Variants in MIA3 observed in about 807,000 individuals in gnomAD.
MIA3 encodes the protein MIA SH3 domain ER export factor 3, also known as transport and Golgi organization protein 1 homolog.
MIA3 carries 90 observed loss-of-function variants against 192.4 expected under a neutral mutation model. That is an observed-to-expected ratio of 0.47 (90% confidence interval 0.39 to 0.56). The LOEUF (loss-of-function observed/expected upper bound fraction) is 0.56. MIA3 is among the 20% of genes least tolerant of loss of function. The pLI is 0.00. For missense variants in MIA3, 2,123 were observed against 2,269.4 expected, an observed-to-expected ratio of 0.94 and a Z score of 1.31; for synonymous variants, 740 against 792.8, an observed-to-expected ratio of 0.93 and a Z score of 1.12.
At chr1:222,661,637 T>G (rs1664017997) in intron 24 of MIA3, 1 of 161,208 alleles carries the variant, frequency 6.2e-6, no homozygotes, top group Non-Finnish European at 1.4e-5. Context: ...AAAGTAGCCT[T>G]AATAACTTTA....
intron 12 of MIA3, 23 bp downstream of exon 12, chr1:222,652,071 C>A: frequency 2.1e-6 from 3 of 1,404,646 alleles, no homozygotes; most frequent in Non-Finnish European, 3.0e-6. Context: ...GTAATTCCTG[C>A]AGGATATTAA....
At chr1:222,655,217 A>G (rs1352196231) in intron 18 of MIA3, among the ~76,000 whole-genome samples, 1 of 152,266 alleles carries the variant, frequency 6.6e-6, no homozygotes, top group Non-Finnish European at 1.5e-5. Context: ...TACTTATTGA[A>G]GGTACATTTA....
intron 26 of MIA3, among the ~76,000 whole-genome samples, 196 bp from the exon 27 acceptor site, chr1:222,663,802 C>T (rs995538376): frequency 6.6e-5 from 10 of 152,152 alleles, no homozygotes; most frequent in African/African-American, 2.2e-4. Flanking sequence ...AGCAAGTGTT[C>T]ACTCCTGTGG....
chr1:222,638,203 A>G (rs1662714298), intron 6 of MIA3, among the ~76,000 whole-genome samples: 3 of 152,184 alleles, frequency 2.0e-5, no homozygotes, highest in Non-Finnish European at 4.4e-5. Flanking sequence ...AATAAACTAT[A>G]TTATCAGCCA....
At chr1:222,657,440 G>C (rs1001146331) in intron 18 of MIA3, among the ~76,000 whole-genome samples, 1 of 152,162 alleles carries the variant, frequency 6.6e-6, no homozygotes, top group Non-Finnish European at 1.5e-5. Context: ...GAACCTGGGG[G>C]GAAATGGCTT....
chr1:222,630,401 A>C lies in MIA3; in HGVS notation c.3169+12A>C. 6.3e-7 allele frequency: 1 copy of C among 1,582,750 alleles called. No individual in the cohort carries two copies. Among genetic ancestry groups the C allele is most frequent in the Non-Finnish European group, 8.6e-7 (1 of 1,165,820 alleles). ...TGGAGCAATGGAAGGTGAGATGCCT[A>C]TGGCCTTGTAGAACAGGGCTGGAGA... On this transcript the variant is annotated intron_variant, in intron 4 of 27. Coordinates refer to ENST00000344922, the MANE Select transcript of MIA3 (RefSeq NM_198551.4).
At chr1:222,644,252 C>T in intron 6 of MIA3, 1 of 1,355,778 alleles carries the variant, frequency 7.4e-7, no homozygotes, top group Non-Finnish European at 9.5e-7. Context: ...GCCCCGCCCT[C>T]GCCGGCCGGC....
chr1:222,619,417 A>T (rs371366090), intron 1 of MIA3, among the ~76,000 whole-genome samples: 2 of 152,242 alleles, frequency 1.3e-5, no homozygotes, highest in Non-Finnish European at 2.9e-5. Context: ...AATTGATGTT[A>T]TCAAAACCGA....
chr1:222,629,567 A>G lies in MIA3; in HGVS notation c.2347A>G (p.Ser783Gly), dbSNP rs763423572. The G allele has an allele frequency of 1.2e-6, 2 of 1,614,028 alleles. No homozygotes were observed. Among genetic ancestry groups the G allele is most frequent in the Non-Finnish European group, 1.7e-6 (2 of 1,179,962 alleles). ...PEIEESKQET[S>G]MILDSEKTSE... ...AATTGAAGAAAGCAAGCAAGAAACT[A>G]GTATGATTTTGGATAGCGAAAAAAC... Residue 783 changes from serine to glycine, a missense_variant, in exon 4 of 28, where the codon AGT becomes GGT. Ser to Gly is a moderately conservative substitution (Grantham distance 56). This residue lies in a region of MIA3 where 1,357 missense variants were observed against 1,396.1 expected (regional missense o/e 0.97). Transcript: ENST00000344922.
intron 1 of MIA3, among the ~76,000 whole-genome samples, chr1:222,620,773 T>C (rs1661818582): frequency 6.6e-6 from 1 of 152,238 alleles, no homozygotes; most frequent in South Asian, 2.1e-4. Flanking sequence ...GGCTTGAATT[T>C]ACCCATTTGC....
Position 222,662,388 on chromosome 1 carries a change from C to T in MIA3, c.5262+56C>T, listed in dbSNP as rs1664062499. ...TTTCAGGAACATTTAGCTCTTCCTA[C>T]AACTCTCTCTTTGCCTCATCTCCTA... On this transcript the variant is annotated intron_variant, in intron 26 of 27. Coordinates refer to ENST00000344922, the MANE Select transcript of MIA3 (RefSeq NM_198551.4). 3 of 1,586,388 alleles carry T rather than the reference C, an allele frequency of 1.9e-6. No individual in the cohort carries two copies. The South Asian group carries it at 3.3e-5, about 18-fold the overall frequency.
At position 222,660,381 on chromosome 1, in the gene MIA3, T is replaced by C. The variant is rs945088889; in HGVS notation, c.5113+67T>C. On this transcript the variant is annotated intron_variant, in intron 24 of 27. Coordinates refer to ENST00000344922, the MANE Select transcript of MIA3 (RefSeq NM_198551.4). ...CTTTTTCCCTTTTATTTGAGAATTC[T>C]AATGCAAACACTTTAGAATTCGGGT... The C allele has an allele frequency of 6.6e-5, 100 of 1,509,162 alleles. 1 individual carries two copies. The highest frequency in any genetic ancestry group is 8.5e-5 in the Non-Finnish European group (95 of 1,118,584). The allele number at this position is 1,509,162 out of a possible 1,614,324, so 93.5% of individuals were successfully genotyped here.
At position 222,660,257 on chromosome 1, in the gene MIA3, C is replaced by T. The variant is rs1663942934; in HGVS notation, c.5056C>T (p.Pro1686Ser). ...CTCCCCTCCATTGACAGTGGAGCCA[C>T]CCGTGAGACCTCTCTCTGCTACTCT... ...ECSPPLTVEP[P>S]VRPLSATLNR... Residue 1686 changes from proline (P) to serine (S), a missense_variant, in exon 24 of 28, where the codon CCC (proline) becomes TCC (serine). By Grantham distance (74) the Pro-to-Ser change is moderately conservative. Coordinates refer to ENST00000344922, the MANE Select transcript of MIA3 (RefSeq NM_198551.4). 3 of 1,613,922 alleles carry T rather than the reference C, an allele frequency of 1.9e-6. No homozygotes were observed. The highest frequency in any genetic ancestry group is 2.5e-6 in the Non-Finnish European group (3 of 1,179,798).
At chr1:222,634,436 CAG>C (rs1341812341) in intron 6 of MIA3, among the ~76,000 whole-genome samples, 1 of 152,136 alleles carries the variant, frequency 6.6e-6, no homozygotes, top group Non-Finnish European at 1.5e-5. Flanking sequence ...CCATTGTTGG[CAG>C]AGATCCTTGG....
In MIA3 at chr1:222,628,431, A is replaced by G; in HGVS notation, c.1211A>G (p.Glu404Gly). 6.2e-7 allele frequency: 1 copy of G among 1,613,842 alleles called. No individual in the cohort carries two copies. The highest frequency in any genetic ancestry group is 8.5e-7 in the Non-Finnish European group (1 of 1,179,950). Residue 404 changes from glutamate (E) to glycine (G), a missense_variant, in exon 4 of 28, where the codon GAG becomes GGG. This residue lies in a region of MIA3 where 1,357 missense variants were observed against 1,396.1 expected (regional missense o/e 0.97). Transcript: ENST00000344922. Reference sequence around the variant, plus strand: ...GAAACAAGAGATACGATGGATTTAGAGAGCTCTAGTTCAGAGGAAGAAAAA... The same window carrying G: ...GAAACAAGAGATACGATGGATTTAGGGAGCTCTAGTTCAGAGGAAGAAAAA... ...GEETRDTMDL[E>G]SSSSEEEKED...
intron 2 of MIA3, among the ~76,000 whole-genome samples, chr1:222,623,148 T>C (rs1661952529): frequency 2.0e-5 from 3 of 152,236 alleles, no homozygotes; most frequent in Admixed American, 6.5e-5. Context: ...ATTTGTTCTC[T>C]TAAGGCGATA....
intron 2 of MIA3, among the ~76,000 whole-genome samples, chr1:222,624,219 T>C (rs956835758): frequency 6.6e-6 from 1 of 152,212 alleles, no homozygotes; most frequent in Non-Finnish European, 1.5e-5. Flanking sequence ...CCATAAAACA[T>C]ACACAAATCT....
chr1:222,663,836 T>C (rs1243856508), intron 26 of MIA3, 162 bp from the exon 27 acceptor site: 2 of 654,056 alleles, frequency 3.1e-6, no homozygotes, highest in Admixed American at 5.4e-5. Context: ...TTTCTAAGCT[T>C]GTCAGTGGGA....
At chr1:222,647,888 A>G in intron 7 of MIA3, 1 of 369,364 alleles carries the variant, frequency 2.7e-6, no homozygotes, top group South Asian at 2.0e-5. Context: ...TATAAGTGAG[A>G]TTTAGATACT....
Sources: gnomAD v4.1 joint callset for allele counts (sites outside exome capture counted in the v4.1 genomes callset) on GRCh38, gnomAD v4.1.1 for gene constraint, gnomAD v4.1.1 regional missense constraint, MANE v1.5 for transcripts, NCBI Gene and HGNC (gene_info 2026-07-23, HGNC 2026-07-21) for gene names.